The following GRID2 variants were observed in gnomAD, a reference collection of about 807,000 sequenced individuals.
GRID2 encodes glutamate ionotropic receptor delta type subunit 2.
Under a neutral mutation model 114.8 loss-of-function variants are expected in GRID2, and 33 were observed. The observed-to-expected ratio is 0.29, with a 90% CI of 0.22 to 0.38. The LOEUF (loss-of-function observed/expected upper bound fraction) is 0.38. Ranked by LOEUF, GRID2 falls within the 10% of genes least tolerant of loss-of-function variation. The pLI, the probability that GRID2 is intolerant of heterozygous loss-of-function variation, is 1.00. For missense variants in GRID2, 1,184 were observed against 1,257.7 expected (o/e 0.94, Z 0.89); for synonymous variants, 505 against 449.9 (o/e 1.12, Z -1.55).
At chr4:92,362,009 G>C (rs906832298) in intron 1 of GRID2, among the ~76,000 whole-genome samples, 1 of 151,950 alleles carries the variant, frequency 6.6e-6, no homozygotes, top group Non-Finnish European at 1.5e-5. Context: ...AAGTATTTCT[G>C]TTTCTCATTC....
At chr4:92,775,022 C>T (rs1255676374) in intron 2 of GRID2, among the ~76,000 whole-genome samples, 1 of 152,072 alleles carries the variant, frequency 6.6e-6, no homozygotes, top group Admixed American at 6.6e-5. Flanking sequence ...GGAGACTGGG[C>T]TTGGGAAGAT....
intron 11 of GRID2, among the ~76,000 whole-genome samples, chr4:93,481,214 C>T (rs11097368): frequency 0.24 from 36,647 of 151,890 alleles, 5,424 homozygotes; most frequent in Non-Finnish European, 0.34. Context: ...AGAAGAGATC[C>T]GTGAAATTTC....
At chr4:92,709,015 C>T (rs1478392087) in intron 2 of GRID2, among the ~76,000 whole-genome samples, 1 of 152,124 alleles carries the variant, frequency 6.6e-6, no homozygotes, top group African/African-American at 2.4e-5. Context: ...GGAAATAGAA[C>T]TCACAGGCTG....
At chr4:93,533,537 C>CTTTTTTTTTTTT (rs34014956) in intron 13 of GRID2, among the ~76,000 whole-genome samples, 2 of 86,512 alleles carry the variant, frequency 2.3e-5, no homozygotes, top group East Asian at 3.3e-4. Context: ...CCACACCCAG[C>CTTTTTTTTTTTT]TTTTTTTTTT....
At chr4:93,391,180 C>T (rs1764817392) in intron 8 of GRID2, among the ~76,000 whole-genome samples, 1 of 152,022 alleles carries the variant, frequency 6.6e-6, no homozygotes, top group African/African-American at 2.4e-5. Context: ...GTGGAAATAC[C>T]ATAAAGAAAA....
chr4:93,786,629 T>C (rs1311670002), intron 1 of GRID2, among the ~76,000 whole-genome samples: 1 of 152,228 alleles, frequency 6.6e-6, no homozygotes, highest in Non-Finnish European at 1.5e-5. Context: ...TATGTTGGAT[T>C]CTATTTTCTA....
intron 1 of GRID2, among the ~76,000 whole-genome samples, chr4:93,804,545 A>G (rs938271364): frequency 7.9e-5 from 12 of 152,202 alleles, no homozygotes; most frequent in African/African-American, 2.9e-4. Context: ...ATATTATGAC[A>G]CCATTATTAT....
chr4:93,551,201 G>A (rs1733716455), intron 13 of GRID2, among the ~76,000 whole-genome samples: 1 of 152,132 alleles, frequency 6.6e-6, no homozygotes, highest in Non-Finnish European at 1.5e-5. Flanking sequence ...GGAGGAAATG[G>A]ACAACTGAAC....
intron 4 of GRID2, among the ~76,000 whole-genome samples, chr4:93,130,190 AC>A (rs1246443544): frequency 6.6e-6 from 1 of 152,158 alleles, no homozygotes; most frequent in East Asian, 1.9e-4. Flanking sequence ...CTGTAATCCC[AC>A]CACTTTGGGA....
intron 1 of GRID2, among the ~76,000 whole-genome samples, chr4:92,581,244 T>C (rs1484782852): frequency 1.3e-5 from 2 of 151,420 alleles, no homozygotes; most frequent in South Asian, 2.1e-4. Flanking sequence ...CTTTAAAAAA[T>C]TGCAAAGTAT....
At chr4:92,427,991 G>A (rs1732241883) in intron 1 of GRID2, among the ~76,000 whole-genome samples, 2 of 152,006 alleles carry the variant, frequency 1.3e-5, no homozygotes, top group Non-Finnish European at 2.9e-5. Flanking sequence ...GGCCAGGCAC[G>A]GTGGCTCATG....
At chr4:93,408,550 G>A (rs554930011) in intron 9 of GRID2, among the ~76,000 whole-genome samples, 74 of 152,046 alleles carry the variant, frequency 4.9e-4, no homozygotes, top group African/African-American at 1.1e-3. Context: ...AGGAATCTCC[G>A]TTTAATTTTT....
At chr4:92,603,101 A>G (rs181370721) in intron 2 of GRID2, among the ~76,000 whole-genome samples, 97 of 152,314 alleles carry the variant, frequency 6.4e-4, no homozygotes, top group African/African-American at 2.2e-3. Flanking sequence ...GGAATAATCA[A>G]TATTATGAAA....
At chr4:92,637,506 C>T (rs1488608960) in intron 2 of GRID2, among the ~76,000 whole-genome samples, 1 of 151,958 alleles carries the variant, frequency 6.6e-6, no homozygotes, top group Non-Finnish European at 1.5e-5. Context: ...TAAAGGACCA[C>T]ATAACTTGTA....
rs1467875757 is a variant in GRID2 at position 92,786,213 on chromosome 4, C to G, written c.244+195927C>G. Among the ~76,000 whole-genome samples the G allele has an allele frequency of 2.0e-5, 3 of 151,738 alleles. No homozygotes were observed. The East Asian group carries it at 5.8e-4, about 29-fold the overall frequency. On this transcript the variant is annotated intron_variant, in intron 2 of 15. Coordinates refer to ENST00000282020, the MANE Select transcript of GRID2 (RefSeq NM_001510.4). Reference sequence around the variant, plus strand: ...GCTTCCTGTCTCTAACATGCCTTCCCTCTGTAATCCAGTTATTAAGGAAAT... The same window carrying G: ...GCTTCCTGTCTCTAACATGCCTTCCGTCTGTAATCCAGTTATTAAGGAAAT...
At chr4:92,520,750 G>A (rs534096685) in intron 1 of GRID2, among the ~76,000 whole-genome samples, 25 of 152,050 alleles carry the variant, frequency 1.6e-4, no homozygotes, top group Admixed American at 3.3e-4. Flanking sequence ...ATTCAGATGC[G>A]TGAGGAGCTC....
At chr4:93,214,722 ACCAC>A (rs1249510107) in intron 5 of GRID2, among the ~76,000 whole-genome samples, 1 of 152,028 alleles carries the variant, frequency 6.6e-6, no homozygotes, top group African/African-American at 2.4e-5. Context: ...ATAAAAGGTA[ACCAC>A]CCCTTTTCCC....
chr4:93,198,474 A>G (rs965308823), intron 4 of GRID2, among the ~76,000 whole-genome samples: 1 of 152,156 alleles, frequency 6.6e-6, no homozygotes, highest in Non-Finnish European at 1.5e-5. Flanking sequence ...GCTGAACTAT[A>G]CTAGAGGACC....
chr4:92,879,027 G>A (rs1405988391), intron 2 of GRID2, among the ~76,000 whole-genome samples: 1 of 152,040 alleles, frequency 6.6e-6, no homozygotes, highest in Non-Finnish European at 1.5e-5. Flanking sequence ...TAATTATCTG[G>A]CTTTCTAGAG....
Sources: allele counts gnomAD v4.1 joint callset (sites outside exome capture counted in the v4.1 genomes callset), GRCh38; gene constraint gnomAD v4.1.1; transcripts MANE v1.5; gene names NCBI Gene and HGNC (gene_info 2026-07-23, HGNC 2026-07-21).